The following CA10 variants were observed in gnomAD, a reference collection of about 807,000 sequenced individuals.
The protein encoded by CA10 is carbonic anhydrase-related protein 10.
Under a neutral mutation model 44.2 loss-of-function variants are expected in CA10, and 14 were observed. The ratio of observed to expected loss-of-function variants is 0.32; its 90% CI spans 0.21 to 0.50. The LOEUF is 0.50. Among genes scored for constraint, CA10 ranks in the 20% least tolerant of loss-of-function variants. CA10 has a pLI of 0.99. For missense variants in CA10, 350 were observed against 409.7 expected, an observed-to-expected ratio of 0.85 and a Z score of 1.26; for synonymous variants, 159 against 141.6, an observed-to-expected ratio of 1.12 and a Z score of -0.87.
intron 3 of CA10, among the ~76,000 whole-genome samples, chr17:51,907,044 A>C (rs138915386): frequency 6.6e-6 from 1 of 152,154 alleles, no homozygotes; most frequent in Non-Finnish European, 1.5e-5. Context: ...TCCAATATCT[A>C]TTGAAAGCTT....
At chr17:51,839,208 C>A (rs1005777163) in intron 3 of CA10, among the ~76,000 whole-genome samples, 4 of 152,118 alleles carry the variant, frequency 2.6e-5, no homozygotes, top group Non-Finnish European at 4.4e-5. Context: ...AAGGCACTAC[C>A]TTGGCCGGGC....
intron 3 of CA10, among the ~76,000 whole-genome samples, chr17:51,850,015 G>A (rs727456): frequency 0.032 from 4,920 of 152,290 alleles, 254 homozygotes; most frequent in African/African-American, 0.11. Flanking sequence ...TCAAGGACAG[G>A]GAAATACACA....
chr17:51,921,381 C>T (rs1282392500), intron 3 of CA10, among the ~76,000 whole-genome samples: 1 of 152,188 alleles, frequency 6.6e-6, no homozygotes, highest in Non-Finnish European at 1.5e-5. Flanking sequence ...GCCAAAGTTA[C>T]TTTCAAACAG....
At chr17:52,006,039 G>C (rs1245875823) in intron 2 of CA10, among the ~76,000 whole-genome samples, 1 of 151,866 alleles carries the variant, frequency 6.6e-6, no homozygotes, top group Non-Finnish European at 1.5e-5. Context: ...TTTATCCCAT[G>C]TAATTGGTAA....
Position 51,798,357 on chromosome 17 carries a change from C to T in CA10, c.280-50539G>A, listed in dbSNP as rs560415886. On this transcript the variant is annotated intron_variant, in intron 3 of 8. Coordinates refer to ENST00000451037, the MANE Select transcript of CA10 (RefSeq NM_020178.5). The stretch of plus-strand genomic sequence containing the variant: ...TACTGTTGTGCATGTGCATCTGTGT[C>T]TGTTTCAGGCAAGAAATTCTGTAAC... Among the ~76,000 whole-genome samples, 4 of 152,232 alleles carry T rather than the reference C, an allele frequency of 2.6e-5. No individual in the cohort carries two copies. The South Asian group carries it at 8.3e-4, about 31-fold the overall frequency.
intron 3 of CA10, among the ~76,000 whole-genome samples, chr17:51,878,431 G>T (rs781664317): frequency 3.9e-5 from 6 of 152,108 alleles, no homozygotes; most frequent in Non-Finnish European, 7.3e-5. Context: ...GCTATTTAGA[G>T]ATGTGAAGAG....
chr17:52,110,466 T>C (rs1200692776), intron 1 of CA10, among the ~76,000 whole-genome samples: 2 of 152,240 alleles, frequency 1.3e-5, no homozygotes, highest in African/African-American at 4.8e-5. Flanking sequence ...GCAAATGGCT[T>C]AGCCAATGCT....
chr17:51,784,657 C>T (rs1237684096), intron 3 of CA10, among the ~76,000 whole-genome samples: 1 of 152,122 alleles, frequency 6.6e-6, no homozygotes, highest in Non-Finnish European at 1.5e-5. Context: ...TGTGGGTACA[C>T]AGTAGGTGTA....
chr17:52,073,025 G>A (rs2143140834), intron 1 of CA10, among the ~76,000 whole-genome samples: 1 of 152,282 alleles, frequency 6.6e-6, no homozygotes, highest in African/African-American at 2.4e-5. Flanking sequence ...ATTCATGACA[G>A]TTGACAAGTG....
At chr17:51,993,480 G>T (rs1256886907) in intron 2 of CA10, among the ~76,000 whole-genome samples, 1 of 151,980 alleles carries the variant, frequency 6.6e-6, no homozygotes. Flanking sequence ...GGTCACTTTG[G>T]AGAACTGATA....
At chr17:52,089,427 T>C (rs1988203209) in intron 1 of CA10, among the ~76,000 whole-genome samples, 1 of 152,196 alleles carries the variant, frequency 6.6e-6, no homozygotes, top group South Asian at 2.1e-4. Flanking sequence ...AACATTTAAA[T>C]AGCTTTTATA....
intron 2 of CA10, among the ~76,000 whole-genome samples, chr17:51,993,868 C>A (rs1358436908): frequency 1.3e-5 from 2 of 152,100 alleles, no homozygotes; most frequent in East Asian, 3.9e-4. Flanking sequence ...ATAAATTACT[C>A]TCTTCTTTTA....
chr17:51,740,523 A>T (rs1904413980), intron 4 of CA10, among the ~76,000 whole-genome samples: 1 of 152,202 alleles, frequency 6.6e-6, no homozygotes, highest in African/African-American at 2.4e-5. Context: ...GGTAACATTG[A>T]GAGCAACCGC....
rs1248378930 is a variant in CA10 at position 52,157,863 on chromosome 17, AT to A, written c.-78del. ...GGGGAGCCCGACACGGCACACACACATACACACTCGCACACACTTCCGAGCG... is the reference window on the plus strand; with the variant it reads ...GGGGAGCCCGACACGGCACACACACAACACACTCGCACACACTTCCGAGCG... On this transcript the variant is annotated 5_prime_UTR_variant, in exon 1 of 9. It removes an upstream start codon present in the reference 5' UTR. Transcript: ENST00000451037. 8.9e-7 allele frequency: 1 copy of A among 1,121,846 alleles called. No homozygotes were observed. Among genetic ancestry groups the A allele is most frequent in the Non-Finnish European group, 1.4e-6 (1 of 731,564 alleles). 69.5% of individuals were successfully genotyped at this position (1,121,846 alleles called of 1,614,324 possible).
rs544852000 is a variant in CA10, at chr17:51,903,550, T to C, written c.279+27440A>G. 8.5e-4 allele frequency among the ~76,000 whole-genome samples: 130 copies of C among 152,250 alleles called. 1 individual carries two copies. The highest frequency in any genetic ancestry group is 2.9e-3 in the African/African-American group (119 of 41,548). On this transcript the variant is annotated intron_variant, in intron 3 of 8. Coordinates refer to ENST00000451037, the MANE Select transcript of CA10 (RefSeq NM_020178.5). ...TATCCACAGTGTTCATAGTAAAACA[T>C]TAGATCCCAACCTGAAGCATCCTCT...
chr17:51,900,384 CTGACAG>C (rs1287149386), intron 3 of CA10, among the ~76,000 whole-genome samples: 1 of 152,142 alleles, frequency 6.6e-6, no homozygotes, highest in Non-Finnish European at 1.5e-5. Flanking sequence ...AGGGTTCTTG[CTGACAG>C]AGCCACTGTT....
At chr17:52,010,301 CAT>C (rs1316176941) in intron 2 of CA10, among the ~76,000 whole-genome samples, 1 of 151,910 alleles carries the variant, frequency 6.6e-6, no homozygotes, top group Non-Finnish European at 1.5e-5. Context: ...CTTGTGCACA[CAT>C]GTTTACAGCA....
chr17:51,799,368 A>T (rs750607766), intron 3 of CA10, among the ~76,000 whole-genome samples: 14 of 152,198 alleles, frequency 9.2e-5, no homozygotes, highest in African/African-American at 3.4e-4. Flanking sequence ...TCTGTAAGTC[A>T]TCTAGGCAGC....
intron 2 of CA10, among the ~76,000 whole-genome samples, chr17:51,935,414 C>T (rs937420534): frequency 1.3e-5 from 2 of 152,154 alleles, no homozygotes; most frequent in African/African-American, 2.4e-5. Flanking sequence ...AAGAATCACT[C>T]TAATTAATGG....
Sources: gnomAD v4.1 joint callset for allele counts (sites outside exome capture counted in the v4.1 genomes callset) on GRCh38, gnomAD v4.1.1 for gene constraint, MANE v1.5 for transcripts, NCBI Gene and HGNC (gene_info 2026-07-23, HGNC 2026-07-21) for gene names.